The following OPCML variants were observed in gnomAD, a reference collection of about 807,000 sequenced individuals.
OPCML encodes the protein opioid binding protein/cell adhesion molecule like.
A neutral mutation model predicts 37.8 loss-of-function variants in OPCML; 13 were observed. The ratio of observed to expected loss-of-function variants is 0.34; its 90% CI spans 0.22 to 0.55. The LOEUF (loss-of-function observed/expected upper bound fraction) is 0.55. Among genes scored for constraint, OPCML ranks in the 20% least tolerant of loss-of-function variants. The probability of loss-of-function intolerance (pLI) is 0.91; values close to 1 mark genes in which losing one functional copy is unlikely to be tolerated. For missense variants in OPCML, 341 were observed against 435.6 expected (o/e 0.78, Z 1.93); for synonymous variants, 176 against 168.8 (o/e 1.04, Z -0.33).
chr11:132,498,408 T>A (rs984208349), intron 4 of OPCML, among the ~76,000 whole-genome samples: 1 of 152,206 alleles, frequency 6.6e-6, no homozygotes, highest in African/African-American at 2.4e-5. Flanking sequence ...TGACTATGCA[T>A]TCATTATATT....
chr11:132,654,906 C>T (rs960605607), intron 3 of OPCML, among the ~76,000 whole-genome samples: 1 of 149,440 alleles, frequency 6.7e-6, no homozygotes, highest in Non-Finnish European at 1.5e-5. Context: ...CAGAGAGTAG[C>T]TTGGCCTGGA....
At chr11:133,278,118 A>G (rs1942043828) in intron 1 of OPCML, among the ~76,000 whole-genome samples, 1 of 152,166 alleles carries the variant, frequency 6.6e-6, no homozygotes, top group South Asian at 2.1e-4. Flanking sequence ...GCGTATGTTC[A>G]GCCTCCACCA....
rs185196552 is a variant in OPCML at position 132,695,929 on chromosome 11, G to A, written c.147-38610C>T. 2.5e-3 allele frequency among the ~76,000 whole-genome samples: 385 copies of A among 152,200 alleles called. 3 individuals are homozygous for A. Among genetic ancestry groups the A allele is most frequent in the South Asian group, 5.4e-3 (26 of 4,824 alleles). On this transcript the variant is annotated intron_variant, in intron 2 of 7. Transcript: ENST00000524381. ...GAATTCGGAGTGGCTTGGAATTGAA[G>A]GCAGAGGTATGGAGGGCAGAAATGA... is the stretch of plus-strand genomic sequence containing the variant.
At chr11:133,469,195 T>C (rs6590710) in intron 1 of OPCML, among the ~76,000 whole-genome samples, 43,481 of 152,140 alleles carry the variant, frequency 0.29, 7,786 homozygotes, top group African/African-American at 0.51. Context: ...TAAATTTATG[T>C]TCCACATAAT....
chr11:133,013,529 C>G (rs1393769261), intron 1 of OPCML, among the ~76,000 whole-genome samples: 2 of 152,168 alleles, frequency 1.3e-5, no homozygotes, highest in Non-Finnish European at 2.9e-5. Flanking sequence ...GTCCACTTGA[C>G]AGAAATTAAA....
intron 1 of OPCML, chr11:133,421,476 C>CT: frequency 1.0e-6 from 1 of 985,436 alleles, no homozygotes; most frequent in Non-Finnish European, 1.2e-6. Context: ...ATTATCATTT[C>CT]TATGGCTATC....
At chr11:133,460,392 G>C (rs1946830580) in intron 1 of OPCML, among the ~76,000 whole-genome samples, 1 of 151,656 alleles carries the variant, frequency 6.6e-6, no homozygotes, top group South Asian at 2.1e-4. Flanking sequence ...TTTTTAAAAA[G>C]ACAATAGAGA....
intron 1 of OPCML, among the ~76,000 whole-genome samples, chr11:133,239,791 G>A (rs149796518): frequency 1.3e-5 from 2 of 152,270 alleles, no homozygotes; most frequent in African/African-American, 4.8e-5. Context: ...AGAGAAAGCG[G>A]GAGATGGAGA....
chr11:132,608,651 G>T (rs777770936), intron 3 of OPCML, among the ~76,000 whole-genome samples: 51 of 152,114 alleles, frequency 3.4e-4, no homozygotes, highest in Non-Finnish European at 6.6e-4. Context: ...ACCTGTAGCA[G>T]GAATAATCAA....
At position 133,174,268 on chromosome 11, in the gene OPCML, C is replaced by G. The variant is rs1338171794; in HGVS notation, c.62-231258G>C. ...AAGGCGAAGCATGATTAGAACCAAG[C>G]CTTCCTGCCAAACGTAGAGACCTGG... is the stretch of plus-strand genomic sequence containing the variant. On this transcript the variant is annotated intron_variant, in intron 1 of 7. Coordinates refer to ENST00000524381, the MANE Select transcript of OPCML (RefSeq NM_001012393.5). The surrounding 1 kb of genome is among the most constrained non-coding windows in gnomAD (Gnocchi z 4.6). Among the ~76,000 whole-genome samples, 2 of 152,138 alleles carry G rather than the reference C, an allele frequency of 1.3e-5. No homozygotes were observed. The highest frequency in any genetic ancestry group is 2.9e-5 in the Non-Finnish European group (2 of 68,014).
At position 132,461,809 on chromosome 11, in the gene OPCML, AAGG is replaced by A. The variant is rs769508588; in HGVS notation, c.506-24453_506-24451del. Among the ~76,000 whole-genome samples, 7 of 152,260 alleles carry A rather than the reference AAGG, an allele frequency of 4.6e-5. No individual in the cohort carries two copies. In the South Asian group the frequency reaches 1.5e-3, roughly 32 times the overall value. ...ATGTCCTTCTTCACATGATGGCAGG[AAGG>A]AGAAGTGCCAAGCGAAAGGGGAAAA... On this transcript the variant is annotated intron_variant, in intron 4 of 7. Coordinates refer to ENST00000524381, the MANE Select transcript of OPCML (RefSeq NM_001012393.5).
At chr11:132,929,353 C>T (rs1945112002) in intron 2 of OPCML, among the ~76,000 whole-genome samples, 1 of 151,898 alleles carries the variant, frequency 6.6e-6, no homozygotes, top group Admixed American at 6.6e-5. Context: ...GATAAAATGG[C>T]CAAATTTCTA....
chr11:132,627,319 T>C (rs934270748), intron 3 of OPCML, among the ~76,000 whole-genome samples: 1 of 152,194 alleles, frequency 6.6e-6, no homozygotes, highest in Non-Finnish European at 1.5e-5. Flanking sequence ...TCAACCCAAA[T>C]ATTGCAGCCA....
rs1426668397 is a variant in OPCML at position 132,420,017 on chromosome 11, A to T, written c.*176T>A. The T allele has an allele frequency of 3.9e-6, 1 of 254,136 alleles. No homozygotes were observed. The highest frequency in any genetic ancestry group is 3.3e-5 in the South Asian group (1 of 29,920). 15.7% of individuals were successfully genotyped at this position (254,136 alleles called of 1,614,324 possible). On this transcript the variant is annotated 3_prime_UTR_variant, in exon 8 of 8. Transcript: ENST00000524381. ...CCCTGCCCACCCCGCCCCCAACCCC[A>T]CTCATTCAAGCTGGAAATAAAAGCA...
intron 1 of OPCML, among the ~76,000 whole-genome samples, chr11:132,994,892 T>A (rs1658565970): frequency 6.6e-6 from 1 of 152,232 alleles, no homozygotes; most frequent in Non-Finnish European, 1.5e-5. Flanking sequence ...TTTCATTTAA[T>A]GTGCACAGCA....
chr11:132,544,766 G>T (rs2096365040), intron 3 of OPCML, among the ~76,000 whole-genome samples: 1 of 152,134 alleles, frequency 6.6e-6, no homozygotes, highest in African/African-American at 2.4e-5. Context: ...AGTGAAGGAG[G>T]ACAAGCTGGG....
chr11:132,505,421 C>T (rs562322704), intron 4 of OPCML, among the ~76,000 whole-genome samples: 1 of 152,182 alleles, frequency 6.6e-6, no homozygotes, highest in Middle Eastern at 3.4e-3. Context: ...ATAAAAAAAT[C>T]GGCTTCCAGA....
chr11:132,982,924 TCA>T (rs145429878), intron 1 of OPCML, among the ~76,000 whole-genome samples: 2,185 of 152,250 alleles, frequency 0.014, 66 homozygotes, highest in African/African-American at 0.05. Flanking sequence ...CCCTTGTAAA[TCA>T]CAGAGTTGAT....
intron 2 of OPCML, among the ~76,000 whole-genome samples, chr11:132,909,369 C>T (rs186332884): frequency 2.0e-5 from 3 of 152,268 alleles, no homozygotes; most frequent in South Asian, 2.1e-4. Flanking sequence ...TCAGGTTGTG[C>T]GAACATTCTG....
Sources: allele counts gnomAD v4.1 joint callset (sites outside exome capture counted in the v4.1 genomes callset), GRCh38; gene constraint gnomAD v4.1.1; non-coding constraint Gnocchi (gnomAD v3.1); transcripts MANE v1.5; gene names NCBI Gene and HGNC (gene_info 2026-07-23, HGNC 2026-07-21).